Variants in VPS4A observed in about 807,000 individuals in gnomAD.
The protein encoded by VPS4A is vacuolar protein sorting 4 homolog A.
A neutral mutation model predicts 52.3 loss-of-function variants in VPS4A; 20 were observed. The observed-to-expected ratio is 0.38, with a 90% CI of 0.27 to 0.56. The LOEUF (loss-of-function observed/expected upper bound fraction) is 0.56. Ranked by LOEUF, VPS4A falls within the 20% of genes least tolerant of loss-of-function variation. VPS4A has a pLI of 0.72. For missense variants in VPS4A, 419 were observed against 575.9 expected (o/e 0.73, Z 2.79); for synonymous variants, 293 against 227.7 (o/e 1.29, Z -2.58).
In VPS4A at chr16:69,311,402, T is replaced by C. The variant is rs1965374871; in HGVS notation, c.-110T>C. ...CGGCCGCCCTGCCCGCGCACCGCGCTCAGCGCCCACCGCCGGGCTTCCCGC... is the reference window on the plus strand; with the variant it reads ...CGGCCGCCCTGCCCGCGCACCGCGCCCAGCGCCCACCGCCGGGCTTCCCGC... On this transcript the variant is annotated 5_prime_UTR_variant, in exon 1 of 11. Transcript: ENST00000254950. The C allele has an allele frequency of 1.7e-6, 2 of 1,173,018 alleles. No individual in the cohort carries two copies. The highest frequency in any genetic ancestry group is 4.2e-5 in the South Asian group (1 of 23,574). 72.7% of individuals were successfully genotyped at this position (1,173,018 alleles called of 1,614,324 possible).
rs1412189505 is a variant in VPS4A, at chr16:69,321,182, G to A, written c.983G>A (p.Gly328Asp). The change falls in exon 9 of 11, where the codon GGC becomes GAC. Residue 328 changes from glycine (G) to aspartate (D), a missense_variant. Gly to Asp is a moderately conservative substitution (Grantham distance 94). Around this residue, in one of 3 missense-constraint regions of VPS4A, gnomAD observed 185 missense variants for 200.2 expected, o/e 0.92. Coordinates refer to ENST00000254950, the MANE Select transcript of VPS4A (RefSeq NM_013245.3). This position sits in a 1 kb window ranked among gnomAD's most constrained non-coding sequence, Gnocchi z 4.5. ...NIHELARKTEGYSGADISIIV... is the reference protein window; with the variant it reads ...NIHELARKTEDYSGADISIIV... ...CACGAGCTGGCCCGGAAGACGGAAG[G>A]CTACTCGGGCGCGGACATCAGCATC... The A allele has an allele frequency of 1.3e-6, 2 of 1,575,184 alleles. No homozygotes were observed. Among genetic ancestry groups the A allele is most frequent in the Admixed American group, 3.7e-5 (2 of 54,774 alleles).
Position 69,319,418 on chromosome 16 carries a change from G to A in VPS4A, c.495G>A (p.Leu165=). Residue 165 remains leucine, a synonymous_variant, in exon 6 of 11, where the codon CTG becomes CTA. Coordinates refer to ENST00000254950, the MANE Select transcript of VPS4A (RefSeq NM_013245.3). ...GKRTPWRGIL[L]FGPPGTGKSY... ...GCACCCCCTGGCGGGGGATTCTGCT[G>A]TTCGGACCCCCTGGCACAGGGAAAT... The A allele has an allele frequency of 6.2e-7, 1 of 1,614,026 alleles. No homozygotes were observed.
At position 69,324,359 on chromosome 16, in the gene VPS4A, A is replaced by G. The variant is rs1180081701; in HGVS notation, c.*50A>G. The G allele has an allele frequency of 1.9e-6, 3 of 1,563,834 alleles. No homozygotes were observed. Among genetic ancestry groups the G allele is most frequent in the Non-Finnish European group, 2.6e-6 (3 of 1,141,792 alleles). On this transcript the variant is annotated 3_prime_UTR_variant, in exon 11 of 11. Transcript: ENST00000254950. ...GAAGGTGGGAGGTTGATTGGGGCAA[A>G]TCCAGGCACTCCCCATGTCAACAGC... is the stretch of plus-strand genomic sequence containing the variant.
chr16:69,319,508 A>T lies in VPS4A; in HGVS notation c.585A>T (p.Ser195=). 1 of 1,613,914 alleles carries T rather than the reference A, an allele frequency of 6.2e-7. No homozygotes were observed. The highest frequency in any genetic ancestry group is 8.5e-7 in the Non-Finnish European group (1 of 1,179,866). ...NNSTFFSVSS[S]DLMSKWLGES... is the part of the protein sequence containing the mutation. The stretch of plus-strand genomic sequence containing the variant: ...CCACCTTCTTCTCTGTGTCCTCCTC[A>T]GATCTGATGTCCAAGTGGCTGGGGG... The change falls in exon 6 of 11, where the codon TCA becomes TCT. Residue 195 remains serine (S), a synonymous_variant. Coordinates refer to ENST00000254950, the MANE Select transcript of VPS4A (RefSeq NM_013245.3).
At position 69,325,196 on chromosome 16, in the gene VPS4A, C is replaced by T. The variant is rs913336016; in HGVS notation, c.*887C>T. On this transcript the variant is annotated 3_prime_UTR_variant, in exon 11 of 11. Coordinates refer to ENST00000254950, the MANE Select transcript of VPS4A (RefSeq NM_013245.3). ...GCAGTTCTTAGGCCTGTTCTCCAGTCAGGTGTGCAAGGCCTCCTCCCCTTA... is the reference window on the plus strand; with the variant it reads ...GCAGTTCTTAGGCCTGTTCTCCAGTTAGGTGTGCAAGGCCTCCTCCCCTTA... 6.6e-6 allele frequency: 1 copy of T among 152,256 alleles called. No individual in the cohort carries two copies. The highest frequency in any genetic ancestry group is 1.5e-5 in the Non-Finnish European group (1 of 68,066). 9.4% of individuals were successfully genotyped at this position (152,256 alleles called of 1,614,324 possible).
At position 69,316,343 on chromosome 16, in the gene VPS4A, A is replaced by C. The variant is rs1219962660; in HGVS notation, c.252A>C (p.Pro84=). The C allele has an allele frequency of 1.9e-6, 3 of 1,613,746 alleles. No homozygotes were observed. The highest frequency in any genetic ancestry group is 2.5e-6 in the Non-Finnish European group (3 of 1,179,866). Residue 84 remains proline, a synonymous_variant, in exon 3 of 11, where the codon CCA becomes CCC. Transcript: ENST00000254950. ...LRSKEKHGKK[P]VKENQSEGKG... ...GCAAAGAGAAACACGGCAAGAAGCC[A>C]GTCAAAGAGAACCAGAGTGAGGGCA...
chr16:69,311,628 T>C, intron 1 of VPS4A, 96 bp downstream of exon 1: 1 of 1,171,316 alleles, frequency 8.5e-7, no homozygotes, highest in Non-Finnish European at 1.1e-6. Flanking sequence ...GGTGGGCGCC[T>C]CCCAGCCCCG....
Position 69,321,358 on chromosome 16 carries a change from C to A in VPS4A, c.1071+88C>A. On this transcript the variant is annotated intron_variant, in intron 9 of 10. Transcript: ENST00000254950. This position sits in a 1 kb window ranked among gnomAD's most constrained non-coding sequence, Gnocchi z 4.5. ...TTTTCCCAGCTCCTGGTCCTGCTCC[C>A]CGGCTGCTCAGGTGACACAGTCTCT... is the stretch of plus-strand genomic sequence containing the variant. 7.0e-7 allele frequency: 1 copy of A among 1,426,230 alleles called. No individual in the cohort carries two copies. Among genetic ancestry groups the A allele is most frequent in the Non-Finnish European group, 9.5e-7 (1 of 1,054,106 alleles). The allele number at this position is 1,426,230 out of a possible 1,614,324, so 88.3% of individuals were successfully genotyped here. A position where few individuals can be genotyped will look rare whatever the true frequency, so the allele number is the denominator to read the frequency against.
Position 69,318,704 on chromosome 16 carries a change from G to A in VPS4A, c.336G>A (p.Gln112=). ...DNPEKKKLQE[Q]LMGAVVMEKP... is the part of the protein sequence containing the mutation. ...CGGAGAAAAAGAAACTGCAAGAACA[G>A]CTGATGGGTAAGTGGCTCGCGGCCC... Residue 112 remains glutamine, a synonymous_variant, in exon 4 of 11, where the codon CAG becomes CAA. Transcript: ENST00000254950. 1.2e-6 allele frequency: 2 copies of A among 1,613,814 alleles called. No homozygotes were observed. Among genetic ancestry groups the A allele is most frequent in the Non-Finnish European group, 1.7e-6 (2 of 1,179,816 alleles).
Position 69,311,461 on chromosome 16 carries a change from A to G in VPS4A, c.-51A>G. On this transcript the variant is annotated 5_prime_UTR_variant, in exon 1 of 11. Transcript: ENST00000254950. ...CAGTACCTCGGCTCCCCGGGGCCGG[A>G]CCGAGGCCGCAAGCAGCGCCGCGGG... 1 of 1,279,156 alleles carries G rather than the reference A, an allele frequency of 7.8e-7. No homozygotes were observed. The highest frequency in any genetic ancestry group is 1.0e-6 in the Non-Finnish European group (1 of 1,002,280). The allele number at this position is 1,279,156 out of a possible 1,614,324, so 79.2% of individuals were successfully genotyped here. A position where few individuals can be genotyped will look rare whatever the true frequency, so the allele number is the denominator to read the frequency against.
At chr16:69,319,792 G>T (rs1022987791) in intron 6 of VPS4A, among the ~76,000 whole-genome samples, 1 of 152,216 alleles carries the variant, frequency 6.6e-6, no homozygotes, top group African/African-American at 2.4e-5. Flanking sequence ...TTGGGGTCTG[G>T]GTTGCGGTCC....
Position 69,320,153 on chromosome 16 carries a change from C to T in VPS4A, c.633C>T (p.Asn211=). Residue 211 remains asparagine, a synonymous_variant, in exon 7 of 11, where the codon AAC becomes AAT. Coordinates refer to ENST00000254950, the MANE Select transcript of VPS4A (RefSeq NM_013245.3). This position sits in a 1 kb window ranked among gnomAD's most constrained non-coding sequence, Gnocchi z 4.2. The part of the protein sequence containing the change: ...WLGESEKLVK[N]LFELARQHKP... ...CTCACCTTCACAGGCTGGTCAAGAA[C>T]CTGTTTGAGCTGGCCAGGCAGCACA... The T allele has an allele frequency of 1.2e-6, 2 of 1,613,428 alleles. No homozygotes were observed. Among genetic ancestry groups the T allele is most frequent in the East Asian group, 4.5e-5 (2 of 44,852 alleles).
chr16:69,322,463 A>G, intron 9 of VPS4A, 97 bp from the exon 10 acceptor site: 2 of 1,359,524 alleles, frequency 1.5e-6, no homozygotes, highest in Non-Finnish European at 1.9e-6. Flanking sequence ...CTAGGGACCC[A>G]CAGAGCATTC....
In VPS4A at chr16:69,311,705, GC is replaced by G. The variant is rs575231595; in HGVS notation, c.21+175del. Among the ~76,000 whole-genome samples, 651 of 152,186 alleles carry G rather than the reference GC, an allele frequency of 4.3e-3. 4 individuals carry two copies. Among genetic ancestry groups the G allele is most frequent in the Non-Finnish European group, 4.5e-3 (303 of 67,976 alleles). ...CCGTGTCTGTTTCCACGCGCTCGGA[GC>G]CGGGTGGCATCTCCACCCTCAGGCC... On this transcript the variant is annotated intron_variant, in intron 1 of 10. Transcript: ENST00000254950.
chr16:69,317,028 A>G (rs183925485), intron 3 of VPS4A, among the ~76,000 whole-genome samples: 29 of 151,618 alleles, frequency 1.9e-4, no homozygotes, highest in African/African-American at 4.4e-4. Context: ...GAGGCGTGGG[A>G]GGGGAAGTGA....
At position 69,320,615 on chromosome 16, in the gene VPS4A, G is replaced by C; in HGVS notation, c.770-73G>C. The C allele has an allele frequency of 7.5e-7, 1 of 1,336,936 alleles. No individual in the cohort carries two copies. The highest frequency in any genetic ancestry group is 1.0e-6 in the Non-Finnish European group (1 of 961,762). 82.8% of individuals were successfully genotyped at this position (1,336,936 alleles called of 1,614,324 possible). A position where few individuals can be genotyped will look rare whatever the true frequency, so the allele number is the denominator to read the frequency against. On this transcript the variant is annotated intron_variant, in intron 7 of 10. Coordinates refer to ENST00000254950, the MANE Select transcript of VPS4A (RefSeq NM_013245.3). This position sits in a 1 kb window ranked among gnomAD's most constrained non-coding sequence, Gnocchi z 4.2. ...CAATTGCTGACACACAAAGCCCCCG[G>C]GGTCTGTCCCCAGGTTTCAACTGAC... is the stretch of plus-strand genomic sequence containing the variant.
rs370656708 is a variant in VPS4A at position 69,316,046 on chromosome 16, C to T, written c.60C>T (p.Asp20=). Residue 20 remains aspartate, a synonymous_variant, in exon 2 of 11, where the codon GAC becomes GAT. Coordinates refer to ENST00000254950, the MANE Select transcript of VPS4A (RefSeq NM_013245.3). ...IDLVTKATEE[D]KAKNYEEALR... is the part of the protein sequence containing the mutation. ...TGGTGACGAAAGCCACAGAGGAGGACAAAGCCAAGAACTACGAGGAGGCGC... is the reference window on the plus strand; with the variant it reads ...TGGTGACGAAAGCCACAGAGGAGGATAAAGCCAAGAACTACGAGGAGGCGC... 3 of 1,613,466 alleles carry T rather than the reference C, an allele frequency of 1.9e-6. No individual in the cohort carries two copies. The African/African-American group carries it at 4.0e-5, about 22-fold the overall frequency.
At chr16:69,323,961 A>G (rs1320217926) in intron 10 of VPS4A, among the ~76,000 whole-genome samples, 2 of 148,988 alleles carry the variant, frequency 1.3e-5, no homozygotes, top group East Asian at 1.9e-4. Flanking sequence ...AAAAAAAAAA[A>G]AAAAGAAAGC....
At position 69,326,030 on chromosome 16, in the gene VPS4A, G is replaced by GCTA. The variant is rs1965590067; in HGVS notation, c.*1722_*1723insTAC. ...AGAGGCTGTCCCACGTTTACCCCATGCATATAAACAGACCAAAGTCAAAGC... is the reference window on the plus strand; with the variant it reads ...AGAGGCTGTCCCACGTTTACCCCATGCTACATATAAACAGACCAAAGTCAAAGC... On this transcript the variant is annotated 3_prime_UTR_variant, in exon 11 of 11. Transcript: ENST00000254950. The GCTA allele has an allele frequency of 1.3e-5, 2 of 152,396 alleles. No individual in the cohort carries two copies. Among genetic ancestry groups the GCTA allele is most frequent in the South Asian group, 2.1e-4 (1 of 4,828 alleles). The allele number at this position is 152,396 out of a possible 1,614,324, so 9.4% of individuals were successfully genotyped here. A position where few individuals can be genotyped will look rare whatever the true frequency, so the allele number is the denominator to read the frequency against.
Sources: allele counts gnomAD v4.1 joint callset (sites outside exome capture counted in the v4.1 genomes callset), GRCh38; gene constraint gnomAD v4.1.1; regional missense constraint gnomAD v4.1.1; non-coding constraint Gnocchi (gnomAD v3.1); transcripts MANE v1.5; gene names NCBI Gene and HGNC (gene_info 2026-07-23, HGNC 2026-07-21).